Variants in ST3GAL3 observed in about 807,000 individuals in gnomAD.
The protein encoded by ST3GAL3 is CMP-N-acetylneuraminate-beta-1,4-galactoside alpha-2,3-sialyltransferase.
Under a neutral mutation model 50.1 loss-of-function variants are expected in ST3GAL3, and 21 were observed. The observed-to-expected ratio is 0.42, with a 90% CI of 0.30 to 0.60. The LOEUF is 0.60. ST3GAL3 is among the 20% of genes least tolerant of loss of function. The probability of loss-of-function intolerance (pLI) is 0.19; values close to 1 mark genes in which losing one functional copy is unlikely to be tolerated. For synonymous variants in ST3GAL3, 183 were observed against 190.0 expected, an observed-to-expected ratio of 0.96 and a Z score of 0.30; for missense variants, 353 against 489.4, an observed-to-expected ratio of 0.72 and a Z score of 2.63.
chr1:43,708,453 T>A (rs540831001), intron 1 of ST3GAL3, among the ~76,000 whole-genome samples: 1 of 152,216 alleles, frequency 6.6e-6, no homozygotes, highest in African/African-American at 2.4e-5. Flanking sequence ...TTTCAGTGGA[T>A]GTACTGTGAA....
At chr1:43,798,948 A>T (rs2059009449) in intron 3 of ST3GAL3, among the ~76,000 whole-genome samples, 1 of 152,238 alleles carries the variant, frequency 6.6e-6, no homozygotes, top group Admixed American at 6.5e-5. Flanking sequence ...AGGTCAAATA[A>T]ATAATGGCAT....
At chr1:43,789,885 A>AC (rs981431788) in intron 2 of ST3GAL3, among the ~76,000 whole-genome samples, 31 of 151,464 alleles carry the variant, frequency 2.0e-4, no homozygotes, top group Non-Finnish European at 3.8e-4. Flanking sequence ...ATTAAAAAAA[A>AC]AAAAAGTAGA....
intron 2 of ST3GAL3, among the ~76,000 whole-genome samples, chr1:43,762,262 T>TAA (rs573587830): frequency 1.0e-3 from 127 of 121,348 alleles, no homozygotes; most frequent in Middle Eastern, 4.5e-3. Flanking sequence ...CCTGTCTCAT[T>TAA]AAAAAAAAAA....
intron 2 of ST3GAL3, among the ~76,000 whole-genome samples, chr1:43,741,668 T>G (rs1478254670): frequency 1.3e-5 from 2 of 152,172 alleles, no homozygotes; most frequent in Non-Finnish European, 2.9e-5. Context: ...GTACTCTGCT[T>G]CCCATGGTAA....
chr1:43,912,630 G>A (rs182901238), intron 9 of ST3GAL3: 1 of 152,342 alleles, frequency 6.6e-6, no homozygotes, highest in East Asian at 1.9e-4. Flanking sequence ...CATAGGCGTG[G>A]ACACATCTGC....
chr1:43,717,288 T>C (rs1163891825), intron 1 of ST3GAL3, among the ~76,000 whole-genome samples: 2 of 152,194 alleles, frequency 1.3e-5, no homozygotes, highest in Non-Finnish European at 2.9e-5. Context: ...TTGCTGGGAC[T>C]GATAAGATGG....
intron 1 of ST3GAL3, among the ~76,000 whole-genome samples, chr1:43,731,622 C>T (rs1675919636): frequency 6.9e-6 from 1 of 144,968 alleles, no homozygotes; most frequent in Non-Finnish European, 1.5e-5. Context: ...TGGTCTCGAT[C>T]TCTTGACCTC....
chr1:43,756,848 C>A (rs752818046), intron 2 of ST3GAL3, among the ~76,000 whole-genome samples: 10 of 152,122 alleles, frequency 6.6e-5, no homozygotes, highest in African/African-American at 2.4e-4. Context: ...ATATTGAAAT[C>A]GACATACCAT....
chr1:43,870,227 T>C (rs759819520), intron 5 of ST3GAL3, among the ~76,000 whole-genome samples: 1 of 152,248 alleles, frequency 6.6e-6, no homozygotes, highest in African/African-American at 2.4e-5. Context: ...TAAAATGATA[T>C]TGTATAATGA....
intron 9 of ST3GAL3, among the ~76,000 whole-genome samples, chr1:43,903,533 G>A (rs980778509): frequency 4.6e-5 from 7 of 152,242 alleles, no homozygotes; most frequent in Non-Finnish European, 1.0e-4. Context: ...GTGGGGCCCT[G>A]GGGCCTAGGC....
chr1:43,724,736 G>T (rs1057341772), intron 1 of ST3GAL3, among the ~76,000 whole-genome samples: 1 of 152,096 alleles, frequency 6.6e-6, no homozygotes, highest in Non-Finnish European at 1.5e-5. Flanking sequence ...CTTGCTGAAG[G>T]AACTAACACT....
At chr1:43,754,517 C>T (rs935604804) in intron 2 of ST3GAL3, among the ~76,000 whole-genome samples, 5 of 152,012 alleles carry the variant, frequency 3.3e-5, no homozygotes, top group Admixed American at 2.6e-4. Flanking sequence ...TTTAGTAGAA[C>T]GTAAAGATGG....
chr1:43,841,891 A>T (rs1408340788), intron 5 of ST3GAL3: 1 of 152,176 alleles, frequency 6.6e-6, no homozygotes, highest in African/African-American at 2.4e-5. Flanking sequence ...ACTTTAAGTC[A>T]TTTACTTGCA....
intron 3 of ST3GAL3, among the ~76,000 whole-genome samples, chr1:43,807,272 C>T (rs61768439): frequency 5.9e-5 from 9 of 151,850 alleles, no homozygotes; most frequent in East Asian, 1.9e-4. Context: ...AAAAATTAGC[C>T]GGGCGTGGTG....
chr1:43,760,525 G>A (rs941063606), intron 2 of ST3GAL3, among the ~76,000 whole-genome samples: 2 of 152,240 alleles, frequency 1.3e-5, no homozygotes, highest in African/African-American at 4.8e-5. Context: ...GGAGGCCAAG[G>A]CAGGTGGATC....
At chr1:43,873,242 T>G (rs904614744) in intron 5 of ST3GAL3, among the ~76,000 whole-genome samples, 1 of 152,088 alleles carries the variant, frequency 6.6e-6, no homozygotes, top group African/African-American at 2.4e-5. Context: ...TAAGAAAGCG[T>G]CAAGTTCAGG....
Position 43,899,650 on chromosome 1 carries a change from G to A in ST3GAL3, c.667G>A (p.Asp223Asn), listed in dbSNP as rs749286871. 5.6e-6 allele frequency: 9 copies of A among 1,614,034 alleles called. No homozygotes were observed. The highest frequency in any genetic ancestry group is 2.7e-5 in the African/African-American group (2 of 74,938). Reference sequence around the variant, plus strand: ...GCAGCGGCCTGAGCAGTACGAGCGCGATTCTCTCTTTGTCCTCGCCGGCTT... The same window carrying A: ...GCAGCGGCCTGAGCAGTACGAGCGCAATTCTCTCTTTGTCCTCGCCGGCTT... ...AMQRPEQYER[D>N]SLFVLAGFKW... Residue 223 changes from aspartate (D) to asparagine (N), a missense_variant, in exon 9 of 12, where the codon GAT becomes AAT. Physicochemically the swap from Asp to Asn is conservative, Grantham distance 23 (BLOSUM62 1). Coordinates refer to ENST00000347631, the MANE Select transcript of ST3GAL3 (RefSeq NM_006279.5). This position sits in a 1 kb window ranked among gnomAD's most constrained non-coding sequence, Gnocchi z 5.4.
chr1:43,850,250 G>C, intron 5 of ST3GAL3: 1 of 438,264 alleles, frequency 2.3e-6, no homozygotes, highest in South Asian at 1.8e-5. Context: ...TCCTCCAGCA[G>C]GTAGCTTCCT....
At chr1:43,752,844 A>G (rs868524744) in intron 2 of ST3GAL3, among the ~76,000 whole-genome samples, 2 of 152,230 alleles carry the variant, frequency 1.3e-5, no homozygotes, top group Non-Finnish European at 2.9e-5. Flanking sequence ...CCTCTTGTTC[A>G]TCTAATTTCA....
Sources: gnomAD v4.1 joint callset for allele counts (sites outside exome capture counted in the v4.1 genomes callset) on GRCh38, gnomAD v4.1.1 for gene constraint, Gnocchi (gnomAD v3.1) non-coding constraint, MANE v1.5 for transcripts, NCBI Gene and HGNC (gene_info 2026-07-23, HGNC 2026-07-21) for gene names.